Variants in ZNF554 observed in about 807,000 individuals in gnomAD.
ZNF554 encodes the protein zinc finger protein 554.
ZNF554 carries 15 observed loss-of-function variants against 21.2 expected under a neutral mutation model. The observed-to-expected ratio is 0.71, with a 90% CI of 0.47 to 1.09. ZNF554 has a LOEUF of 1.09. Ranked by LOEUF, ZNF554 falls within the 50% of genes least tolerant of loss-of-function variation. The pLI is 0.00. For missense variants in ZNF554, 691 were observed against 662.7 expected (o/e 1.04, Z -0.47); for synonymous variants, 258 against 251.4 (o/e 1.03, Z -0.25).
Position 2,836,691 on chromosome 19 carries a change from A to G in ZNF554, c.*1839A>G, listed in dbSNP as rs1405171000. ...ATCATTTTGACAATGAATACAAATC[A>G]AATAGCACCCAAAATTGTGAAGGAT... On this transcript the variant is annotated 3_prime_UTR_variant, in exon 5 of 5. Coordinates refer to ENST00000317243, the MANE Select transcript of ZNF554 (RefSeq NM_001102651.2). 6.6e-6 allele frequency among the ~76,000 whole-genome samples: 1 copy of G among 152,230 alleles called. No homozygotes were observed. Among genetic ancestry groups the G allele is most frequent in the Admixed American group, 6.5e-5 (1 of 15,274 alleles).
Position 2,834,521 on chromosome 19 carries a change from C to A in ZNF554, c.1286C>A (p.Thr429Lys). The change falls in exon 5 of 5, where the codon ACA becomes AAA. Residue 429 changes from threonine to lysine, a missense_variant. Physicochemically the swap from Thr to Lys is moderately conservative, Grantham distance 78. Coordinates refer to ENST00000317243, the MANE Select transcript of ZNF554 (RefSeq NM_001102651.2). ...QSSYLILHKR[T>K]HTGEKPYECS... ...TCTTACCTGATCTTGCACAAGAGGA[C>A]ACACACCGGAGAGAAGCCCTACGAA... 3.1e-6 allele frequency: 5 copies of A among 1,614,088 alleles called. No homozygotes were observed. The highest frequency in any genetic ancestry group is 4.2e-6 in the Non-Finnish European group (5 of 1,180,016).
At chr19:2,829,693 A>G (rs1214516680) in intron 3 of ZNF554, among the ~76,000 whole-genome samples, 1 of 152,134 alleles carries the variant, frequency 6.6e-6, no homozygotes, top group African/African-American at 2.4e-5. Context: ...ATCTATCTAT[A>G]TATCTCTATA....
intron 3 of ZNF554, among the ~76,000 whole-genome samples, chr19:2,830,156 C>T (rs2087394957): frequency 6.6e-6 from 1 of 152,192 alleles, no homozygotes; most frequent in African/African-American, 2.4e-5. Flanking sequence ...AGGATGGTCT[C>T]AATCTCCTGA....
chr19:2,822,161 G>A (rs942129209), intron 1 of ZNF554, among the ~76,000 whole-genome samples: 5 of 151,302 alleles, frequency 3.3e-5, no homozygotes, highest in East Asian at 3.9e-4. Flanking sequence ...AATAATTATC[G>A]TGCCTCAGCC....
chr19:2,835,933 A>G lies in ZNF554; in HGVS notation c.*1081A>G, dbSNP rs1180827972. Among the ~76,000 whole-genome samples, 3 of 152,020 alleles carry G rather than the reference A, an allele frequency of 2.0e-5. No homozygotes were observed. The highest frequency in any genetic ancestry group is 2.9e-5 in the Non-Finnish European group (2 of 67,988). ...AGCCTTCATCTCCTGGACTCAAGCA[A>G]TCCTCCCACCTCAGCCTCTCCGGTA... On this transcript the variant is annotated 3_prime_UTR_variant, in exon 5 of 5. Transcript: ENST00000317243.
chr19:2,833,693 T>C lies in ZNF554; in HGVS notation c.458T>C (p.Val153Ala), dbSNP rs1249811195. The change falls in exon 5 of 5, where the codon GTA (valine) becomes GCA (alanine). Residue 153 changes from valine to alanine, a missense_variant. By Grantham distance (64) the Val-to-Ala change is moderately conservative (BLOSUM62 0). Coordinates refer to ENST00000317243, the MANE Select transcript of ZNF554 (RefSeq NM_001102651.2). ...PQASCSDWMTVLRNQDSTYKK... is the reference protein window; with the variant it reads ...PQASCSDWMTALRNQDSTYKK... ...CAATTTATTTCAGATTGGATGACTG[T>C]ACTAAGAAACCAAGACTCAACTTAC... The C allele has an allele frequency of 2.0e-6, 3 of 1,524,358 alleles. No individual in the cohort carries two copies. In the Admixed American group the frequency reaches 6.7e-5, roughly 34 times the overall value. The allele number at this position is 1,524,358 out of a possible 1,614,324, so 94.4% of individuals were successfully genotyped here.
chr19:2,834,067 T>C lies in ZNF554; in HGVS notation c.832T>C (p.Cys278Arg), dbSNP rs566249823. The C allele has an allele frequency of 2.5e-6, 4 of 1,614,076 alleles. No individual in the cohort carries two copies. In the African/African-American group the frequency reaches 5.3e-5, roughly 22 times the overall value. Residue 278 changes from cysteine (C) to arginine (R), a missense_variant, in exon 5 of 5, where the codon TGT (cysteine) becomes CGT (arginine). Coordinates refer to ENST00000317243, the MANE Select transcript of ZNF554 (RefSeq NM_001102651.2). ...ADRRPCESNE[C>R]GNAIRQNSHF... Reference sequence around the variant, plus strand: ...TCGGAGACCTTGTGAAAGTAATGAATGTGGAAATGCCATCCGCCAGAACAG... The same window carrying C: ...TCGGAGACCTTGTGAAAGTAATGAACGTGGAAATGCCATCCGCCAGAACAG...
chr19:2,833,771 T>G lies in ZNF554; in HGVS notation c.536T>G (p.Leu179Arg). 6.2e-7 allele frequency: 1 copy of G among 1,606,156 alleles called. No homozygotes were observed. The highest frequency in any genetic ancestry group is 8.5e-7 in the Non-Finnish European group (1 of 1,177,022). Residue 179 changes from leucine (L) to arginine (R), a missense_variant, in exon 5 of 5, where the codon CTT (leucine) becomes CGT (arginine). By Grantham distance (102) the Leu-to-Arg change is moderately radical. Transcript: ENST00000317243. ...EPASGINMIK[L>R]IREDGGWKQL... ...GCCAGTGGTATAAATATGATAAAGC[T>G]TATCAGAGAAGATGGGGGATGGAAG...
At position 2,835,224 on chromosome 19, in the gene ZNF554, A is replaced by C; in HGVS notation, c.*372A>C. On this transcript the variant is annotated 3_prime_UTR_variant, in exon 5 of 5. Transcript: ENST00000317243. The stretch of plus-strand genomic sequence containing the variant: ...GCGGTGGCTCATGCCTATAATCCTA[A>C]CACTTTAGGAGGCCGAGGCGGGTGG... 5.5e-6 allele frequency: 1 copy of C among 181,624 alleles called. No homozygotes were observed. The highest frequency in any genetic ancestry group is 2.4e-5 in the African/African-American group (1 of 42,276). The allele number at this position is 181,624 out of a possible 1,614,324, so 11.3% of individuals were successfully genotyped here.
At chr19:2,823,843 G>A (rs559275836) in intron 2 of ZNF554, among the ~76,000 whole-genome samples, 22 of 152,138 alleles carry the variant, frequency 1.4e-4, no homozygotes, top group Admixed American at 5.2e-4. Context: ...AGTGTGTGCC[G>A]ACTGGTTCAT....
rs1161439744 is a variant in ZNF554 at position 2,821,853 on chromosome 19, G to A, written c.54-1187G>A. ...TAATTTTTGTATTTTTAGTAGAGAC[G>A]GGGGTTTTGCCATGTTGGCCAGGCT... On this transcript the variant is annotated intron_variant, in intron 1 of 4. Transcript: ENST00000317243. The surrounding 1 kb of genome is among the most constrained non-coding windows in gnomAD (Gnocchi z 8.2). Among the ~76,000 whole-genome samples, 8 of 151,666 alleles carry A rather than the reference G, an allele frequency of 5.3e-5. No homozygotes were observed. The highest frequency in any genetic ancestry group is 1.9e-4 in the East Asian group (1 of 5,148).
In ZNF554 at chr19:2,827,679, G is replaced by T. The variant is rs572716099; in HGVS notation, c.189G>T (p.Glu63Asp). Reference protein sequence around the residue: ...DFSQEEWELLEPAQKNLYREV... With the variant: ...DFSQEEWELLDPAQKNLYREV... ...CCCAGGAGGAGTGGGAGTTGCTGGA[G>T]CCTGCTCAGAAGAACCTGTACAGAG... is the stretch of plus-strand genomic sequence containing the variant. The change falls in exon 3 of 5, where the codon GAG becomes GAT. Residue 63 changes from glutamate (E) to aspartate (D), a missense_variant. Glu to Asp is a conservative substitution (Grantham distance 45). Transcript: ENST00000317243. The T allele has an allele frequency of 2.5e-6, 4 of 1,614,110 alleles. No homozygotes were observed. Among genetic ancestry groups the T allele is most frequent in the East Asian group, 2.2e-5 (1 of 44,886 alleles).
At chr19:2,828,463 G>C (rs2087365801) in intron 3 of ZNF554, among the ~76,000 whole-genome samples, 2 of 152,098 alleles carry the variant, frequency 1.3e-5, no homozygotes, top group Admixed American at 1.3e-4. Context: ...GATCACAAGG[G>C]TGATCACCTG....
At chr19:2,823,884 C>T (rs1251922911) in intron 2 of ZNF554, among the ~76,000 whole-genome samples, 2 of 152,160 alleles carry the variant, frequency 1.3e-5, no homozygotes, top group Non-Finnish European at 2.9e-5. Flanking sequence ...AAAGAGGCAC[C>T]ATGAGTCCCC....
At chr19:2,828,898 C>T (rs1462382730) in intron 3 of ZNF554, among the ~76,000 whole-genome samples, 1 of 152,170 alleles carries the variant, frequency 6.6e-6, no homozygotes, top group Non-Finnish European at 1.5e-5. Context: ...CCCATGATCT[C>T]ATCACCTCCC....
At chr19:2,828,843 T>A (rs1264977868) in intron 3 of ZNF554, among the ~76,000 whole-genome samples, 1 of 151,762 alleles carries the variant, frequency 6.6e-6, no homozygotes, top group Non-Finnish European at 1.5e-5. Context: ...AACCATCAGA[T>A]CTCATGAGAA....
At position 2,827,727 on chromosome 19, in the gene ZNF554, G is replaced by T; in HGVS notation, c.237G>T (p.Arg79Ser). 6.2e-7 allele frequency: 1 copy of T among 1,613,864 alleles called. No individual in the cohort carries two copies. The highest frequency in any genetic ancestry group is 8.5e-7 in the Non-Finnish European group (1 of 1,179,906). ...GAGAGGTGATGCTGGAGAACTACAG[G>T]AACGTGGTCTCCCTGGGTAAGGCAA... Reference protein sequence around the residue: ...LYREVMLENYRNVVSLEALKN... With the variant: ...LYREVMLENYSNVVSLEALKN... The change falls in exon 3 of 5, where the codon AGG becomes AGT. Residue 79 changes from arginine to serine, a missense_variant. Physicochemically the swap from Arg to Ser is moderately radical, Grantham distance 110 (BLOSUM62 -1). Transcript: ENST00000317243.
intron 2 of ZNF554, among the ~76,000 whole-genome samples, chr19:2,825,000 GTT>G (rs1368759252): frequency 8.7e-6 from 1 of 114,896 alleles, no homozygotes; most frequent in East Asian, 3.4e-4. Flanking sequence ...CGTGATTGCA[GTT>G]GTTTTTTTTT....
In ZNF554 at chr19:2,833,973, C is replaced by T. The variant is rs771981058; in HGVS notation, c.738C>T (p.Gly246=). 7 of 1,613,998 alleles carry T rather than the reference C, an allele frequency of 4.3e-6. No individual in the cohort carries two copies. The highest frequency in any genetic ancestry group is 1.3e-5 in the African/African-American group (1 of 74,930). Residue 246 remains glycine, a synonymous_variant, in exon 5 of 5, where the codon GGC becomes GGT. Transcript: ENST00000317243. ...QGSSKGNHLC[G]SELDITSLAS... ...GCTCTAAAGGGAACCACTTGTGTGG[C>T]AGCGAGTTAGATATTACAAGCTTGG...
Sources: gnomAD v4.1 joint callset for allele counts (sites outside exome capture counted in the v4.1 genomes callset) on GRCh38, gnomAD v4.1.1 for gene constraint, Gnocchi (gnomAD v3.1) non-coding constraint, MANE v1.5 for transcripts, NCBI Gene and HGNC (gene_info 2026-07-23, HGNC 2026-07-21) for gene names.